Variants in ENTREP1 observed in about 807,000 individuals in gnomAD.
ENTREP1 encodes Friedreich ataxia region gene X123.
chr9:69,347,263 C>T, the ENTREP1 span, among the ~76,000 whole-genome samples: 5 of 152,194 alleles, frequency 3.3e-5, no homozygotes, highest in Non-Finnish European at 7.3e-5. Flanking sequence ...GAGCTGGAAG[C>T]TCAGCAGTAG....
At chr9:69,345,537 G>A in the ENTREP1 span, among the ~76,000 whole-genome samples, 4 of 152,054 alleles carry the variant, frequency 2.6e-5, no homozygotes, top group African/African-American at 7.2e-5. Flanking sequence ...TTTAGTAAGT[G>A]CCTTTTAAGA....
At chr9:69,378,916 C>T in the ENTREP1 span, among the ~76,000 whole-genome samples, 34 of 152,162 alleles carry the variant, frequency 2.2e-4, no homozygotes, top group Non-Finnish European at 2.9e-4. Context: ...GGAAGGATCA[C>T]GGTAATATTC....
At chr9:69,354,992 C>T in the ENTREP1 span, among the ~76,000 whole-genome samples, 1 of 151,952 alleles carries the variant, frequency 6.6e-6, no homozygotes, top group Non-Finnish European at 1.5e-5. Context: ...CAAGTAGTGC[C>T]ATATACTGTG....
At chr9:69,360,686 A>G in the ENTREP1 span, among the ~76,000 whole-genome samples, 1 of 152,122 alleles carries the variant, frequency 6.6e-6, no homozygotes, top group African/African-American at 2.4e-5. Flanking sequence ...CTGGCTTCCC[A>G]GTAGGCTCTG....
chr9:69,355,033 C>T, the ENTREP1 span, among the ~76,000 whole-genome samples: 2 of 152,132 alleles, frequency 1.3e-5, no homozygotes, highest in African/African-American at 4.8e-5. Flanking sequence ...TACTCCCATG[C>T]AGCCTCGCTT....
At chr9:69,386,772 G>A in the ENTREP1 span, 1 of 152,198 alleles carries the variant, frequency 6.6e-6, no homozygotes, top group Non-Finnish European at 1.5e-5. Flanking sequence ...CTGACAGTGT[G>A]TGTTATTTGC....
the ENTREP1 span, among the ~76,000 whole-genome samples, chr9:69,369,657 A>C: frequency 6.7e-6 from 1 of 150,048 alleles, no homozygotes; most frequent in Non-Finnish European, 1.5e-5. Context: ...TTATACTTGC[A>C]CAAGCAGTGT....
At chr9:69,329,399 G>A in the ENTREP1 span, 1 of 982,886 alleles carries the variant, frequency 1.0e-6, no homozygotes, top group Middle Eastern at 5.2e-4. Context: ...CCTTAAGAGA[G>A]CCCTGAGCCT....
At chr9:69,386,315 A>G in the ENTREP1 span, 1 of 160,864 alleles carries the variant, frequency 6.2e-6, no homozygotes, top group Non-Finnish European at 1.4e-5. Flanking sequence ...GGATTTTTGT[A>G]TACTCCCTCT....
the ENTREP1 span, among the ~76,000 whole-genome samples, chr9:69,367,690 T>TAC: frequency 2.7e-3 from 187 of 69,278 alleles, 11 homozygotes; most frequent in South Asian, 6.3e-3. Context: ...AATATATATA[T>TAC]ACACATATAT....
the ENTREP1 span, chr9:69,380,056 C>G: frequency 4.6e-5 from 7 of 152,238 alleles, no homozygotes; most frequent in Non-Finnish European, 8.8e-5. Flanking sequence ...TCCTTCAAAA[C>G]TTTCTAGAAA....
At chr9:69,362,942 C>A in the ENTREP1 span, among the ~76,000 whole-genome samples, 4 of 152,076 alleles carry the variant, frequency 2.6e-5, no homozygotes, top group Admixed American at 2.0e-4. Flanking sequence ...TATTGTGGGA[C>A]CTTGTGATTG....
chr9:69,337,428 C>T, the ENTREP1 span, among the ~76,000 whole-genome samples: 2 of 152,088 alleles, frequency 1.3e-5, no homozygotes, highest in African/African-American at 2.4e-5. Flanking sequence ...TATATTATCT[C>T]TTTGTCACAT....
the ENTREP1 span, chr9:69,377,889 C>T: frequency 1.3e-6 from 1 of 781,160 alleles, no homozygotes. Flanking sequence ...AACGTTAGCC[C>T]AATGAGTGAC....
At chr9:69,391,411 T>C in the ENTREP1 span, among the ~76,000 whole-genome samples, 1 of 152,026 alleles carries the variant, frequency 6.6e-6, no homozygotes, top group African/African-American at 2.4e-5. Context: ...GCGGACATGG[T>C]AGAACATTTG....
At chr9:69,340,882 G>T in the ENTREP1 span, among the ~76,000 whole-genome samples, 4 of 152,040 alleles carry the variant, frequency 2.6e-5, no homozygotes, top group Non-Finnish European at 4.4e-5. Context: ...CATTTTTAAA[G>T]AATGTTTTTA....
At chr9:69,341,229 A>G in the ENTREP1 span, among the ~76,000 whole-genome samples, 1 of 152,152 alleles carries the variant, frequency 6.6e-6, no homozygotes, top group Non-Finnish European at 1.5e-5. Flanking sequence ...TGACCTAAAA[A>G]TGATAAAGGG....
At chr9:69,377,622 G>T in the ENTREP1 span, 4 of 1,614,072 alleles carry the variant, frequency 2.5e-6, no homozygotes, top group East Asian at 8.9e-5. Flanking sequence ...ATGAATCCCA[G>T]ATTTCTGCTG....
At chr9:69,391,639 CAA>C in the ENTREP1 span, 1 of 1,614,192 alleles carries the variant, frequency 6.2e-7, no homozygotes, top group South Asian at 1.1e-5. Context: ...CCAGGGCCCA[CAA>C]GCTGCCCTCG....
Sources: gnomAD v4.1 joint callset for allele counts (sites outside exome capture counted in the v4.1 genomes callset) on GRCh38, gnomAD v4.1.1 for gene constraint, MANE v1.5 for transcripts, NCBI Gene and HGNC (gene_info 2026-07-23, HGNC 2026-07-21) for gene names.